The following NKAIN2 variants were observed in gnomAD, a reference collection of about 807,000 sequenced individuals.
NKAIN2 encodes the protein sodium/potassium transporting ATPase interacting 2.
Under a neutral mutation model 32.6 loss-of-function variants are expected in NKAIN2, and 14 were observed. That is an observed-to-expected ratio of 0.43 (90% CI 0.28 to 0.67). The LOEUF is 0.67. Ranked by LOEUF, NKAIN2 falls within the 30% of genes least tolerant of loss-of-function variation. NKAIN2 has a pLI of 0.17. For missense variants in NKAIN2, 198 were observed against 258.3 expected (o/e 0.77, Z 1.60); for synonymous variants, 80 against 87.2 (o/e 0.92, Z 0.46).
At chr6:124,356,719 T>C (rs953803416) in intron 3 of NKAIN2, among the ~76,000 whole-genome samples, 3 of 152,166 alleles carry the variant, frequency 2.0e-5, no homozygotes, top group African/African-American at 7.2e-5. Flanking sequence ...CGCCTCAGTG[T>C]AAGAAAAGCA....
At chr6:124,178,192 C>T (rs1789255346) in intron 1 of NKAIN2, among the ~76,000 whole-genome samples, 1 of 152,184 alleles carries the variant, frequency 6.6e-6, no homozygotes, top group African/African-American at 2.4e-5. Context: ...TTTTATCTTA[C>T]ACTTTCCAGC....
intron 1 of NKAIN2, among the ~76,000 whole-genome samples, chr6:124,249,660 A>G (rs1793600776): frequency 6.6e-6 from 1 of 152,032 alleles, no homozygotes; most frequent in African/African-American, 2.4e-5. Context: ...TCCAAACAGT[A>G]CCACAATAAA....
intron 4 of NKAIN2, among the ~76,000 whole-genome samples, chr6:124,744,064 A>G (rs372013928): frequency 6.6e-6 from 1 of 152,004 alleles, no homozygotes; most frequent in East Asian, 2.0e-4. Context: ...TAGTAAGAAA[A>G]TTTTTGTTTC....
intron 3 of NKAIN2, among the ~76,000 whole-genome samples, chr6:124,368,293 T>G (rs1361835946): frequency 2.0e-5 from 3 of 152,150 alleles, no homozygotes; most frequent in Non-Finnish European, 4.4e-5. Flanking sequence ...TTTAAACCAT[T>G]TCATAGTTCT....
intron 1 of NKAIN2, among the ~76,000 whole-genome samples, chr6:124,097,051 T>C (rs1784675158): frequency 6.6e-6 from 1 of 152,090 alleles, no homozygotes; most frequent in South Asian, 2.1e-4. Flanking sequence ...TGGTACTTGA[T>C]TATACTTGAA....
At chr6:124,538,864 G>A (rs550471305) in intron 3 of NKAIN2, among the ~76,000 whole-genome samples, 13 of 151,772 alleles carry the variant, frequency 8.6e-5, no homozygotes, top group East Asian at 3.9e-4. Context: ...TGTATTTTTC[G>A]TTTTCAAAAT....
intron 3 of NKAIN2, among the ~76,000 whole-genome samples, chr6:124,611,670 G>A (rs1782694075): frequency 6.6e-6 from 1 of 152,074 alleles, no homozygotes; most frequent in Non-Finnish European, 1.5e-5. Context: ...TTAAATTATA[G>A]ACAGATTTGG....
intron 3 of NKAIN2, among the ~76,000 whole-genome samples, chr6:124,574,547 A>T (rs1157763711): frequency 6.6e-6 from 1 of 152,082 alleles, no homozygotes; most frequent in Non-Finnish European, 1.5e-5. Context: ...TAAACCCGGG[A>T]TGCAGAGGTT....
chr6:124,012,305 A>G (rs902688484), intron 1 of NKAIN2, among the ~76,000 whole-genome samples: 1 of 137,360 alleles, frequency 7.3e-6, no homozygotes, highest in African/African-American at 2.7e-5. Context: ...AGCACTCTTT[A>G]TTTTGCATGG....
At chr6:124,215,555 C>A (rs1284012971) in intron 1 of NKAIN2, among the ~76,000 whole-genome samples, 1 of 152,102 alleles carries the variant, frequency 6.6e-6, no homozygotes, top group Non-Finnish European at 1.5e-5. Flanking sequence ...CTAAATGTGA[C>A]TGGAATAGCA....
chr6:124,582,197 C>T (rs915718559), intron 3 of NKAIN2, among the ~76,000 whole-genome samples: 1 of 151,524 alleles, frequency 6.6e-6, no homozygotes, highest in African/African-American at 2.4e-5. Context: ...ACTACTAATA[C>T]CAGAAAAACT....
chr6:123,823,716 G>T (rs1482452205), intron 1 of NKAIN2, among the ~76,000 whole-genome samples: 1 of 152,044 alleles, frequency 6.6e-6, no homozygotes, highest in Non-Finnish European at 1.5e-5. Context: ...GAGAAAAGAA[G>T]TAATTTGAGT....
At chr6:124,092,275 T>G (rs1391039198) in intron 1 of NKAIN2, among the ~76,000 whole-genome samples, 1 of 152,072 alleles carries the variant, frequency 6.6e-6, no homozygotes, top group African/African-American at 2.4e-5. Flanking sequence ...CCATATTTTA[T>G]TATTTATGTC....
intron 3 of NKAIN2, among the ~76,000 whole-genome samples, chr6:124,451,787 CAG>C (rs79332114): frequency 0.051 from 7,809 of 152,184 alleles, 278 homozygotes; most frequent in Non-Finnish European, 0.066. Flanking sequence ...AATATTCTAA[CAG>C]TGATATCCAA....
chr6:123,948,597 A>ATTTTTTTTTTTTTTTTTTTTTTTTTT (rs71021472), intron 1 of NKAIN2, among the ~76,000 whole-genome samples: 20 of 49,318 alleles, frequency 4.1e-4, no homozygotes, highest in Non-Finnish European at 6.2e-4. Context: ...CTTAAATGGG[A>ATTTTTTTTTTTTTTTTTTTTTTTTTT]TTTTTTTTTT....
intron 1 of NKAIN2, among the ~76,000 whole-genome samples, chr6:124,178,351 G>A (rs1348736389): frequency 1.3e-5 from 2 of 150,320 alleles, no homozygotes; most frequent in African/African-American, 2.5e-5. Flanking sequence ...AGGCTGGAGC[G>A]CAGTGGCATG....
chr6:124,101,036 C>T (rs779628029), intron 1 of NKAIN2, among the ~76,000 whole-genome samples: 6 of 152,132 alleles, frequency 3.9e-5, no homozygotes, highest in Non-Finnish European at 7.3e-5. Context: ...TTTCCATTGT[C>T]ACAAGGCCTA....
chr6:124,792,562 C>T (rs929266267), intron 5 of NKAIN2, among the ~76,000 whole-genome samples: 1 of 152,014 alleles, frequency 6.6e-6, no homozygotes, highest in Non-Finnish European at 1.5e-5. Context: ...TAGGAACTTG[C>T]CAACTAGGAG....
At chr6:123,904,266 G>A (rs1774749113) in intron 1 of NKAIN2, among the ~76,000 whole-genome samples, 1 of 151,912 alleles carries the variant, frequency 6.6e-6, no homozygotes, top group Non-Finnish European at 1.5e-5. Context: ...AAAAAGAAAT[G>A]ACCAATTAAG....
Sources: allele counts gnomAD v4.1 joint callset (sites outside exome capture counted in the v4.1 genomes callset), GRCh38; gene constraint gnomAD v4.1.1; transcripts MANE v1.5; gene names NCBI Gene and HGNC (gene_info 2026-07-23, HGNC 2026-07-21).